The following MICU1 variants were observed in gnomAD, a reference collection of about 807,000 sequenced individuals.
The protein encoded by MICU1 is mitochondrial calcium uptake 1, also known as calcium uptake protein 1, mitochondrial.
A neutral mutation model predicts 56.8 loss-of-function variants in MICU1; 45 were observed. The ratio of observed to expected loss-of-function variants is 0.79; its 90% CI spans 0.62 to 1.02. The LOEUF (loss-of-function observed/expected upper bound fraction) is 1.02. MICU1 is among the 50% of genes least tolerant of loss of function. MICU1 has a pLI of 0.00. For synonymous variants in MICU1, 186 were observed against 195.1 expected (o/e 0.95, Z 0.39); for missense variants, 504 against 587.1 (o/e 0.86, Z 1.46).
At position 72,392,642 on chromosome 10, in the gene MICU1, A is replaced by G. The variant is rs185696704; in HGVS notation, c.1180+15287T>C. ...CTGCTCAAAGCTACCCAGCTAGTAA[A>G]TGATGGAGACATTCAAATTCAGGCA... On this transcript the variant is annotated intron_variant, in intron 10 of 11. Coordinates refer to ENST00000361114, the MANE Select transcript of MICU1 (RefSeq NM_001195518.2). Among the ~76,000 whole-genome samples the G allele has an allele frequency of 7.0e-4, 106 of 152,370 alleles. 1 individual carries two copies. The highest frequency in any genetic ancestry group is 2.3e-3 in the African/African-American group (97 of 41,586).
At chr10:72,399,789 C>T (rs941281235) in intron 10 of MICU1, among the ~76,000 whole-genome samples, 17 of 151,732 alleles carry the variant, frequency 1.1e-4, no homozygotes, top group African/African-American at 2.9e-4. Flanking sequence ...ATGGTAAAAC[C>T]CCATCTCTAC....
intron 9 of MICU1, among the ~76,000 whole-genome samples, chr10:72,419,745 T>A (rs571903158): frequency 7.2e-5 from 11 of 152,242 alleles, no homozygotes; most frequent in African/African-American, 2.6e-4. Flanking sequence ...ATGAGGCCAG[T>A]AAGGTTAAGT....
At chr10:72,615,016 C>T (rs563714286) in intron 1 of MICU1, among the ~76,000 whole-genome samples, 1 of 152,294 alleles carries the variant, frequency 6.6e-6, no homozygotes, top group South Asian at 2.1e-4. Context: ...CACAGCACAA[C>T]CTTAATTTCT....
intron 1 of MICU1, among the ~76,000 whole-genome samples, chr10:72,587,008 A>C (rs1841080488): frequency 6.6e-6 from 1 of 152,154 alleles, no homozygotes; most frequent in East Asian, 1.9e-4. Flanking sequence ...AAAGCACCAA[A>C]TCTCAGGGCA....
chr10:72,387,239 C>T (rs1371427997), intron 10 of MICU1, among the ~76,000 whole-genome samples: 1 of 152,180 alleles, frequency 6.6e-6, no homozygotes, highest in Admixed American at 6.5e-5. Context: ...TAACTCCAAC[C>T]TGAGGGTCAG....
chr10:72,556,539 AG>A (rs1479770322), intron 3 of MICU1, among the ~76,000 whole-genome samples: 1 of 151,816 alleles, frequency 6.6e-6, no homozygotes, highest in Non-Finnish European at 1.5e-5. Flanking sequence ...GGGATTTCAC[AG>A]GTTGGTCAGG....
intron 1 of MICU1, among the ~76,000 whole-genome samples, chr10:72,593,269 A>T (rs1841278765): frequency 6.6e-6 from 1 of 152,156 alleles, no homozygotes; most frequent in South Asian, 2.1e-4. Flanking sequence ...TCAACATAGT[A>T]CTAAGTTCTA....
intron 1 of MICU1, among the ~76,000 whole-genome samples, chr10:72,604,050 G>A (rs1235320667): frequency 2.0e-5 from 3 of 152,016 alleles, no homozygotes; most frequent in Middle Eastern, 3.4e-3. Flanking sequence ...CAATCTGTAA[G>A]GATTTTACAC....
In MICU1 at chr10:72,472,467, ATACT is replaced by A. The variant is rs576089210; in HGVS notation, c.933+2629_933+2632del. Among the ~76,000 whole-genome samples, 11 of 152,294 alleles carry A rather than the reference ATACT, an allele frequency of 7.2e-5. No individual in the cohort carries two copies. The South Asian group carries it at 1.4e-3, about 20-fold the overall frequency. On this transcript the variant is annotated intron_variant, in intron 8 of 11. Coordinates refer to ENST00000361114, the MANE Select transcript of MICU1 (RefSeq NM_001195518.2). ...AAGTCTAAGCACTTAACCTTTCCTGATACTTACTTAGCCTTGAGCTTTTCACTAG... is the reference window on the plus strand; with the variant it reads ...AAGTCTAAGCACTTAACCTTTCCTGATACTTAGCCTTGAGCTTTTCACTAG...
chr10:72,437,843 G>A (rs937568841), intron 8 of MICU1, among the ~76,000 whole-genome samples: 2 of 152,148 alleles, frequency 1.3e-5, no homozygotes, highest in Non-Finnish European at 2.9e-5. Context: ...AACAAGAAGA[G>A]CTAACTATCC....
intron 5 of MICU1, among the ~76,000 whole-genome samples, chr10:72,526,446 C>T (rs1816822863): frequency 6.6e-6 from 1 of 152,150 alleles, no homozygotes; most frequent in Non-Finnish European, 1.5e-5. Flanking sequence ...CAGGCGCCTG[C>T]CACCAAGCCC....
intron 8 of MICU1, among the ~76,000 whole-genome samples, chr10:72,449,765 G>A (rs1865237644): frequency 6.6e-6 from 1 of 151,906 alleles, no homozygotes; most frequent in South Asian, 2.1e-4. Flanking sequence ...AAGTATATTG[G>A]TCTATCTCTA....
intron 1 of MICU1, among the ~76,000 whole-genome samples, chr10:72,594,178 T>C (rs781360994): frequency 6.6e-6 from 1 of 152,152 alleles, no homozygotes; most frequent in African/African-American, 2.4e-5. Flanking sequence ...TATAGACCAA[T>C]GGAATAAAGT....
intron 11 of MICU1, among the ~76,000 whole-genome samples, chr10:72,371,023 T>A (rs1330042171): frequency 1.3e-5 from 2 of 151,338 alleles, no homozygotes; most frequent in African/African-American, 4.9e-5. Context: ...AGAGTCAGAC[T>A]CTGTCTCAAA....
At chr10:72,539,994 G>A (rs942017108) in intron 4 of MICU1, among the ~76,000 whole-genome samples, 1 of 152,072 alleles carries the variant, frequency 6.6e-6, no homozygotes, top group Non-Finnish European at 1.5e-5. Context: ...TTGGCTGTGC[G>A]TGGTGGCTCA....
At chr10:72,434,510 A>G (rs1481264701) in intron 8 of MICU1, among the ~76,000 whole-genome samples, 1 of 152,120 alleles carries the variant, frequency 6.6e-6, no homozygotes, top group Non-Finnish European at 1.5e-5. Flanking sequence ...TTCTGCTTTC[A>G]ATAACATGAA....
At chr10:72,623,336 A>AGGGAAGGG (rs1842153678) in intron 1 of MICU1, among the ~76,000 whole-genome samples, 1 of 146,306 alleles carries the variant, frequency 6.8e-6, no homozygotes, top group South Asian at 2.2e-4. Flanking sequence ...AGAAAAGAAA[A>AGGGAAGGG]GGGAAGGGGA....
intron 5 of MICU1, among the ~76,000 whole-genome samples, chr10:72,525,423 A>C (rs1032425674): frequency 6.6e-6 from 1 of 152,246 alleles, no homozygotes; most frequent in Non-Finnish European, 1.5e-5. Flanking sequence ...CTTATGTGAC[A>C]GAGCCCAAGG....
intron 1 of MICU1, among the ~76,000 whole-genome samples, chr10:72,582,189 A>G (rs1840918368): frequency 6.6e-6 from 1 of 152,244 alleles, no homozygotes; most frequent in African/African-American, 2.4e-5. Context: ...TCAGCCTCCC[A>G]AAGTGCTGAG....
Sources: allele counts gnomAD v4.1 joint callset (sites outside exome capture counted in the v4.1 genomes callset), GRCh38; gene constraint gnomAD v4.1.1; transcripts MANE v1.5; gene names NCBI Gene and HGNC (gene_info 2026-07-23, HGNC 2026-07-21).